Variants in ZNF208 observed in about 807,000 individuals in gnomAD.
The protein encoded by ZNF208 is zinc finger protein 95.
ZNF208 carries 10 observed loss-of-function variants against 12.1 expected under a neutral mutation model. The observed-to-expected ratio is 0.83, with a 90% CI of 0.51 to 1.40. ZNF208 has a LOEUF of 1.40. ZNF208 is among the 40% of genes most tolerant of loss of function. ZNF208 has a pLI of 0.00. For synonymous variants in ZNF208, 497 were observed against 488.4 expected (o/e 1.02, Z -0.23); for missense variants, 1,652 against 1,485.0 (o/e 1.11, Z -1.85).
chr19:22,009,970 G>A (rs1971114950), intron 1 of ZNF208, among the ~76,000 whole-genome samples: 1 of 152,040 alleles, frequency 6.6e-6, no homozygotes, highest in Non-Finnish European at 1.5e-5. Flanking sequence ...CGGATCACGA[G>A]GTCAGGAGAT....
rs532995268 is a variant in ZNF208 at position 21,975,823 on chromosome 19, C to CAA, written c.227-1018_227-1017dup. Among the ~76,000 whole-genome samples, 11 of 26,408 alleles carry CAA rather than the reference C, an allele frequency of 4.2e-4. 1 individual carries two copies. In the East Asian group the frequency reaches 5.7e-3, roughly 14 times the overall value. The allele number at this position is 26,408 out of a possible 152,430, so 17.3% of individuals were successfully genotyped here. ...AAAACTGTGTGATATAGTCAAAGTCCAAAAAAAAAAAAAAAAAAAAAAAAA... is the reference window on the plus strand; with the variant it reads ...AAAACTGTGTGATATAGTCAAAGTCCAAAAAAAAAAAAAAAAAAAAAAAAAAA... On this transcript the variant is annotated intron_variant, in intron 3 of 3. Transcript: ENST00000397126.
chr19:22,008,023 G>A (rs1414035614), intron 1 of ZNF208, among the ~76,000 whole-genome samples: 1 of 104,020 alleles, frequency 9.6e-6, no homozygotes, highest in Non-Finnish European at 1.9e-5. Context: ...AAAAAAAAAG[G>A]GCCGGGCGCG....
chr19:21,971,924 G>T lies in ZNF208; in HGVS notation c.3110C>A (p.Ala1037Asp), dbSNP rs763061015. ...AGTAAGGCTTGAGGGCCAGCTGAAG[G>T]CTTTGTCACATTCTTCACATTTGTA... ...TPYKCEECDK[A>D]FSWPSSLTEH... Residue 1037 changes from alanine to aspartate, a missense_variant, in exon 4 of 4, where the codon GCC becomes GAC. By Grantham distance (126) the Ala-to-Asp change is moderately radical. This residue lies in a region of ZNF208 where 1,239 missense variants were observed against 1,086.2 expected (regional missense o/e 1.14). Coordinates refer to ENST00000397126, the MANE Select transcript of ZNF208 (RefSeq NM_007153.3). 8.5e-6 allele frequency: 13 copies of T among 1,523,352 alleles called. 1 individual carries two copies. In the South Asian group the frequency reaches 1.5e-4, roughly 17 times the overall value. The allele number at this position is 1,523,352 out of a possible 1,614,324, so 94.4% of individuals were successfully genotyped here.
chr19:21,975,083 C>T (rs907040245), intron 3 of ZNF208, among the ~76,000 whole-genome samples: 7 of 152,160 alleles, frequency 4.6e-5, no homozygotes, highest in African/African-American at 1.7e-4. Context: ...TAAATTTACC[C>T]AGTACGACTC....
At chr19:21,962,678 G>T (rs1336405358), downstream of ZNF208, among the ~76,000 whole-genome samples, 1 of 152,086 alleles carries the variant, frequency 6.6e-6, no homozygotes, top group East Asian at 1.9e-4. Context: ...GCTGAGAAAA[G>T]CAGTTTTCTA....
chr19:21,991,192 A>G (rs1386692008), intron 1 of ZNF208, among the ~76,000 whole-genome samples: 1 of 152,152 alleles, frequency 6.6e-6, no homozygotes, highest in Admixed American at 6.5e-5. Context: ...CCAGTTTTCA[A>G]AGGGAATGCT....
At chr19:21,988,372 A>G (rs1299359652) in intron 2 of ZNF208, among the ~76,000 whole-genome samples, 2 of 152,164 alleles carry the variant, frequency 1.3e-5, no homozygotes, top group Non-Finnish European at 2.9e-5. Context: ...GATAAACAGC[A>G]AACAGTTTAT....
chr19:21,991,758 A>AG (rs386388742), intron 1 of ZNF208: 1 of 152,756 alleles, frequency 6.5e-6, no homozygotes, highest in Non-Finnish European at 1.5e-5. Context: ...AAAAAAAAAA[A>AG]AGAATCAATT....
At position 21,973,772 on chromosome 19, in the gene ZNF208, C is replaced by T. The variant is rs370336128; in HGVS notation, c.1262G>A (p.Gly421Glu). ...ILTKHEVIHT[G>E]EKPYKCEECG... The stretch of plus-strand genomic sequence containing the variant: ...TTCTTCACATTTGTAGGGTTTCTCT[C>T]CAGTATGAATGACCTCATGTTTAGT... Residue 421 changes from glycine to glutamate, a missense_variant, in exon 4 of 4, where the codon GGA becomes GAA. Gly to Glu is a moderately conservative substitution (Grantham distance 98). Coordinates refer to ENST00000397126, the MANE Select transcript of ZNF208 (RefSeq NM_007153.3). 13 of 1,606,028 alleles carry T rather than the reference C, an allele frequency of 8.1e-6. No homozygotes were observed. The highest frequency in any genetic ancestry group is 1.7e-5 in the Admixed American group (1 of 59,626).
At chr19:21,980,496 A>G (rs1970517747) in intron 3 of ZNF208, among the ~76,000 whole-genome samples, 1 of 152,198 alleles carries the variant, frequency 6.6e-6, no homozygotes, top group African/African-American at 2.4e-5. Flanking sequence ...ATGAAGGCAG[A>G]AATAAAAAAG....
chr19:22,010,769 T>G, intron 1 of ZNF208, 23 bp downstream of exon 1: 2 of 1,614,072 alleles, frequency 1.2e-6, no homozygotes, highest in East Asian at 2.2e-5. Context: ...ACTCTCTCAG[T>G]GTGTCGGACC....
chr19:21,947,327 C>T (rs766181820), intron 4 of ZNF208, among the ~76,000 whole-genome samples: 1 of 152,164 alleles, frequency 6.6e-6, no homozygotes, highest in Admixed American at 6.6e-5. Context: ...CTAAACAGTT[C>T]CTTTATGAGA....
At chr19:21,940,923 A>G (rs2145507109) in intron 4 of ZNF208, 1 of 158,460 alleles carries the variant, frequency 6.3e-6, no homozygotes, top group East Asian at 1.8e-4. Context: ...CACTAAGCTG[A>G]GCCGCGACCC....
At chr19:21,965,391 C>T (rs1385526955), downstream of ZNF208, among the ~76,000 whole-genome samples, 1 of 151,984 alleles carries the variant, frequency 6.6e-6, no homozygotes, top group Non-Finnish European at 1.5e-5. Flanking sequence ...ACAAACACAG[C>T]AGCACAAGGA....
intron 4 of ZNF208, among the ~76,000 whole-genome samples, chr19:21,942,098 A>G (rs1188360906): frequency 6.6e-6 from 1 of 152,212 alleles, no homozygotes; most frequent in Non-Finnish European, 1.5e-5. Flanking sequence ...AAATGACAAA[A>G]TAGTAAAGAA....
chr19:21,999,828 C>G (rs1970910927), intron 1 of ZNF208, among the ~76,000 whole-genome samples: 1 of 152,146 alleles, frequency 6.6e-6, no homozygotes, highest in South Asian at 2.1e-4. Flanking sequence ...TACATATAAT[C>G]TAAACCTTTT....
intron 4 of ZNF208, among the ~76,000 whole-genome samples, chr19:21,953,120 G>C (rs545896550): frequency 1.1e-4 from 16 of 152,260 alleles, no homozygotes; most frequent in African/African-American, 3.6e-4. Flanking sequence ...TAGAGAAAAA[G>C]AGAAAGAAGA....
intron 1 of ZNF208, among the ~76,000 whole-genome samples, chr19:22,002,333 T>C (rs999370766): frequency 1.3e-5 from 2 of 152,112 alleles, no homozygotes; most frequent in African/African-American, 2.4e-5. Flanking sequence ...ATAAAATTGG[T>C]AGTCTTAGCC....
Position 21,970,634 on chromosome 19 carries a change from T to A in ZNF208, c.*557A>T, listed in dbSNP as rs1568441988. 2.0e-6 allele frequency: 2 copies of A among 988,850 alleles called. No individual in the cohort carries two copies. Among genetic ancestry groups the A allele is most frequent in the South Asian group, 2.5e-5 (2 of 78,436 alleles). 61.3% of individuals were successfully genotyped at this position (988,850 alleles called of 1,614,324 possible). A position where few individuals can be genotyped will look rare whatever the true frequency, so the allele number is the denominator to read the frequency against. On this transcript the variant is annotated 3_prime_UTR_variant, in exon 4 of 4. Transcript: ENST00000397126. ...GGCTTCTCACCAGTATGAATTCTCT[T>A]ATGTTCCATAAGGTTTGAGGACTGG...
Sources: allele counts gnomAD v4.1 joint callset (sites outside exome capture counted in the v4.1 genomes callset), GRCh38; gene constraint gnomAD v4.1.1; regional missense constraint gnomAD v4.1.1; transcripts MANE v1.5; gene names NCBI Gene and HGNC (gene_info 2026-07-23, HGNC 2026-07-21).